The following SLC5A3 variants were observed in gnomAD, a reference collection of about 807,000 sequenced individuals.
SLC5A3 encodes sodium/myo-inositol cotransporter.
SLC5A3 carries 10 observed loss-of-function variants against 43.2 expected under a neutral mutation model. The ratio of observed to expected loss-of-function variants is 0.23; its 90% CI spans 0.14 to 0.39. The LOEUF (loss-of-function observed/expected upper bound fraction) is 0.39. Ranked by LOEUF, SLC5A3 falls within the 10% of genes least tolerant of loss-of-function variation. The pLI is 1.00. For missense variants in SLC5A3, 608 were observed against 893.4 expected (o/e 0.68, Z 4.07); for synonymous variants, 349 against 322.0 (o/e 1.08, Z -0.90).
Position 34,103,939 on chromosome 21 carries a change from A to AC in SLC5A3, c.*6585dup, listed in dbSNP as rs1979360514. 4.0e-6 allele frequency: 4 copies of AC among 1,000,100 alleles called. No individual in the cohort carries two copies. The Admixed American group carries it at 1.8e-4, about 46-fold the overall frequency. 62.0% of individuals were successfully genotyped at this position (1,000,100 alleles called of 1,614,324 possible). On this transcript the variant is annotated 3_prime_UTR_variant, in exon 2 of 2. Coordinates refer to ENST00000381151, the MANE Select transcript of SLC5A3 (RefSeq NM_006933.7). Reference sequence around the variant, plus strand: ...AGGTTTTTGGTGGGTGGAACAGGTGACATATTTCTGTTTTAAGCTGTAGTG... The same window carrying AC: ...AGGTTTTTGGTGGGTGGAACAGGTGACCATATTTCTGTTTTAAGCTGTAGTG...
At position 34,096,450 on chromosome 21, in the gene SLC5A3, A is replaced by G. The variant is rs764604067; in HGVS notation, c.1252A>G (p.Met418Val). 6.2e-7 allele frequency: 1 copy of G among 1,614,156 alleles called. No individual in the cohort carries two copies. Among genetic ancestry groups the G allele is most frequent in the Non-Finnish European group, 8.5e-7 (1 of 1,180,016 alleles). ...TGTGGGGAGGATATTTGTGGCATTT[A>G]TGGTGGTGATCAGCATAGCATGGGT... ...MIVGRIFVAF[M>V]VVISIAWVPI... Residue 418 changes from methionine to valine, a missense_variant, in exon 2 of 2, where the codon ATG becomes GTG. Around this residue, in one of 2 missense-constraint regions of SLC5A3, gnomAD observed 398 missense variants for 668.6 expected, o/e 0.60. Transcript: ENST00000381151. The surrounding 1 kb of genome is among the most constrained non-coding windows in gnomAD (Gnocchi z 5.9).
rs1173322235 is a variant in SLC5A3, at chr21:34,097,785, A to T, written c.*430A>T. Reference sequence around the variant, plus strand: ...GTAATCCCTCCTACCATTAAGAAAAACTTATTTCTTAGACATTGTACAATC... The same window carrying T: ...GTAATCCCTCCTACCATTAAGAAAATCTTATTTCTTAGACATTGTACAATC... On this transcript the variant is annotated 3_prime_UTR_variant, in exon 2 of 2. Transcript: ENST00000381151. The T allele has an allele frequency of 4.0e-6, 4 of 1,000,836 alleles. No individual in the cohort carries two copies. Among genetic ancestry groups the T allele is most frequent in the Non-Finnish European group, 4.8e-6 (4 of 830,356 alleles). 62.0% of individuals were successfully genotyped at this position (1,000,836 alleles called of 1,614,324 possible).
chr21:34,105,303 C>T lies in SLC5A3; in HGVS notation c.*7948C>T. On this transcript the variant is annotated 3_prime_UTR_variant, in exon 2 of 2. Coordinates refer to ENST00000381151, the MANE Select transcript of SLC5A3 (RefSeq NM_006933.7). The stretch of plus-strand genomic sequence containing the variant: ...ATGAACTGTGTTATACTTCTCAGTG[C>T]TTTCTTTTTTCTTTTTGATAAGATG... 2 of 999,890 alleles carry T rather than the reference C, an allele frequency of 2.0e-6. No individual in the cohort carries two copies. Among genetic ancestry groups the T allele is most frequent in the Non-Finnish European group, 2.4e-6 (2 of 829,694 alleles). The allele number at this position is 999,890 out of a possible 1,614,324, so 61.9% of individuals were successfully genotyped here.
At chr21:34,079,684 C>T (rs1307429892) in intron 1 of SLC5A3, among the ~76,000 whole-genome samples, 1 of 134,462 alleles carries the variant, frequency 7.4e-6, no homozygotes, top group Non-Finnish European at 1.5e-5. Context: ...AATCTGACCT[C>T]GTGATCTGCC....
rs977355132 is a variant in SLC5A3, at chr21:34,100,744, C to T, written c.*3389C>T. The T allele has an allele frequency of 6.0e-6, 6 of 999,990 alleles. No individual in the cohort carries two copies. The highest frequency in any genetic ancestry group is 1.7e-5 in the African/African-American group (1 of 57,222). The allele number at this position is 999,990 out of a possible 1,614,324, so 61.9% of individuals were successfully genotyped here. ...TCTTGTGAGAGCCAATAGAGTGTGT[C>T]TGTATTCGCAGTCCATGGCTCATTT... On this transcript the variant is annotated 3_prime_UTR_variant, in exon 2 of 2. Coordinates refer to ENST00000381151, the MANE Select transcript of SLC5A3 (RefSeq NM_006933.7).
At chr21:34,082,199 A>G (rs1218274709) in intron 1 of SLC5A3, among the ~76,000 whole-genome samples, 3 of 152,094 alleles carry the variant, frequency 2.0e-5, no homozygotes, top group Admixed American at 1.3e-4. Context: ...ATCTCTTAGC[A>G]TTTATGTTGA....
At chr21:34,075,154 C>T (rs1380839045) in intron 1 of SLC5A3, among the ~76,000 whole-genome samples, 1 of 152,218 alleles carries the variant, frequency 6.6e-6, no homozygotes, top group African/African-American at 2.4e-5. Flanking sequence ...TTTAAGCCCT[C>T]CCTTCAACTT....
intron 1 of SLC5A3, among the ~76,000 whole-genome samples, chr21:34,082,617 C>G (rs958189974): frequency 2.0e-5 from 3 of 152,058 alleles, no homozygotes; most frequent in Non-Finnish European, 4.4e-5. Context: ...GAAAAAAATT[C>G]AGGTGCTCTC....
rs777918816 is a variant in SLC5A3, at chr21:34,097,367, T to C, written c.*12T>C. 6.3e-7 allele frequency: 1 copy of C among 1,576,948 alleles called. No homozygotes were observed. The highest frequency in any genetic ancestry group is 8.6e-7 in the Non-Finnish European group (1 of 1,163,052). On this transcript the variant is annotated 3_prime_UTR_variant, in exon 2 of 2. Coordinates refer to ENST00000381151, the MANE Select transcript of SLC5A3 (RefSeq NM_006933.7). ...ATTTCTCCTTATGAACTTAAGGATATGGTGAGACACTAACTTAAGACAATA... is the reference window on the plus strand; with the variant it reads ...ATTTCTCCTTATGAACTTAAGGATACGGTGAGACACTAACTTAAGACAATA...
Position 34,096,258 on chromosome 21 carries a change from C to A in SLC5A3, c.1060C>A (p.Leu354Met). 2 of 1,614,126 alleles carry A rather than the reference C, an allele frequency of 1.2e-6. No individual in the cohort carries two copies. The highest frequency in any genetic ancestry group is 1.7e-6 in the Non-Finnish European group (2 of 1,180,002). Residue 354 changes from leucine (L) to methionine (M), a missense_variant, in exon 2 of 2, where the codon CTG (leucine) becomes ATG (methionine). Around this residue, in one of 2 missense-constraint regions of SLC5A3, gnomAD observed 398 missense variants for 668.6 expected, o/e 0.60. Coordinates refer to ENST00000381151, the MANE Select transcript of SLC5A3 (RefSeq NM_006933.7). The surrounding 1 kb of genome is among the most constrained non-coding windows in gnomAD (Gnocchi z 5.9). ...AGCSNIAYPR[L>M]VMKLVPVGLR... is the part of the protein sequence containing the mutation. ...TTGCTCCAATATTGCTTACCCACGC[C>A]TGGTGATGAAGCTGGTTCCTGTGGG...
Position 34,103,514 on chromosome 21 carries a change from G to C in SLC5A3, c.*6159G>C. 1.0e-6 allele frequency: 1 copy of C among 999,716 alleles called. No homozygotes were observed. 61.9% of individuals were successfully genotyped at this position (999,716 alleles called of 1,614,324 possible). ...CATTGTAGGTTGATAGGTATATCGA[G>C]AACAGGTACGTGACAACAGTTTATA... On this transcript the variant is annotated 3_prime_UTR_variant, in exon 2 of 2. Transcript: ENST00000381151.
At position 34,103,910 on chromosome 21, in the gene SLC5A3, G is replaced by T; in HGVS notation, c.*6555G>T. 1 of 1,000,214 alleles carries T rather than the reference G, an allele frequency of 1.0e-6. No homozygotes were observed. Among genetic ancestry groups the T allele is most frequent in the South Asian group, 4.7e-5 (1 of 21,286 alleles). 62.0% of individuals were successfully genotyped at this position (1,000,214 alleles called of 1,614,324 possible). On this transcript the variant is annotated 3_prime_UTR_variant, in exon 2 of 2. Transcript: ENST00000381151. ...TGAAACTGGAGAAATAGGGACAGATGTCTAGGTTTTTGGTGGGTGGAACAG... is the reference window on the plus strand; with the variant it reads ...TGAAACTGGAGAAATAGGGACAGATTTCTAGGTTTTTGGTGGGTGGAACAG...
At position 34,105,347 on chromosome 21, in the gene SLC5A3, T is replaced by C; in HGVS notation, c.*7992T>C. The C allele has an allele frequency of 1.0e-6, 1 of 999,830 alleles. No homozygotes were observed. Among genetic ancestry groups the C allele is most frequent in the Non-Finnish European group, 1.2e-6 (1 of 829,666 alleles). The allele number at this position is 999,830 out of a possible 1,614,324, so 61.9% of individuals were successfully genotyped here. On this transcript the variant is annotated 3_prime_UTR_variant, in exon 2 of 2. Transcript: ENST00000381151. ...TAAGATGGATATCAAAAATAGTTGC[T>C]GTGCAAAAGTTAGTAGTCTTCTTCA...
chr21:34,100,122 G>GA lies in SLC5A3; in HGVS notation c.*2768dup. The GA allele has an allele frequency of 3.0e-6, 3 of 998,826 alleles. No individual in the cohort carries two copies. The highest frequency in any genetic ancestry group is 3.6e-6 in the Non-Finnish European group (3 of 828,696). 61.9% of individuals were successfully genotyped at this position (998,826 alleles called of 1,614,324 possible). ...AAGCTAAGGTTCAGAATTGAAGCTTGATATTGACTAGAATAGCTAAAAGTC... is the reference window on the plus strand; with the variant it reads ...AAGCTAAGGTTCAGAATTGAAGCTTGAATATTGACTAGAATAGCTAAAAGTC... On this transcript the variant is annotated 3_prime_UTR_variant, in exon 2 of 2. Transcript: ENST00000381151.
intron 1 of SLC5A3, among the ~76,000 whole-genome samples, 163 bp from the exon 2 acceptor site, chr21:34,094,697 CATA>C (rs1329729416): frequency 7.2e-5 from 11 of 152,194 alleles, no homozygotes; most frequent in African/African-American, 2.4e-4. Flanking sequence ...CAGCTGTGAT[CATA>C]TAGATTGCTC....
chr21:34,093,181 A>C (rs1214279904), intron 1 of SLC5A3, among the ~76,000 whole-genome samples: 2 of 152,048 alleles, frequency 1.3e-5, no homozygotes, highest in Non-Finnish European at 2.9e-5. Context: ...GGTCATAGAA[A>C]TATGATCATC....
chr21:34,095,990 C>T lies in SLC5A3; in HGVS notation c.792C>T (p.Phe264=). The T allele has an allele frequency of 6.2e-7, 1 of 1,614,160 alleles. No individual in the cohort carries two copies. Reference sequence around the variant, plus strand: ...ATGAAGATGTTCCTTGGCCTGGATTCATTCTTGGGCAGACCCCAGCTTCAG... The same window carrying T: ...ATGAAGATGTTCCTTGGCCTGGATTTATTCTTGGGCAGACCCCAGCTTCAG... ...PTDEDVPWPG[F]ILGQTPASVW... Residue 264 remains phenylalanine, a synonymous_variant, in exon 2 of 2, where the codon TTC becomes TTT. Transcript: ENST00000381151.
At chr21:34,081,531 A>G (rs938526570) in intron 1 of SLC5A3, among the ~76,000 whole-genome samples, 5 of 152,206 alleles carry the variant, frequency 3.3e-5, no homozygotes, top group Admixed American at 2.6e-4. Flanking sequence ...TGGATGTGTT[A>G]CCATAGAATA....
Position 34,097,675 on chromosome 21 carries a change from G to A in SLC5A3, c.*320G>A, listed in dbSNP as rs1354575539. On this transcript the variant is annotated 3_prime_UTR_variant, in exon 2 of 2. Transcript: ENST00000381151. ...ATATGTTAAGTTACCATGAATTAAG[G>A]TATACTGTCTGCACTGCCAAGTCTT... is the stretch of plus-strand genomic sequence containing the variant. 8 of 1,050,952 alleles carry A rather than the reference G, an allele frequency of 7.6e-6. No homozygotes were observed. The highest frequency in any genetic ancestry group is 4.7e-4 in the Middle Eastern group (1 of 2,122). The allele number at this position is 1,050,952 out of a possible 1,614,324, so 65.1% of individuals were successfully genotyped here.
Sources: allele counts gnomAD v4.1 joint callset (sites outside exome capture counted in the v4.1 genomes callset), GRCh38; gene constraint gnomAD v4.1.1; regional missense constraint gnomAD v4.1.1; non-coding constraint Gnocchi (gnomAD v3.1); transcripts MANE v1.5; gene names NCBI Gene and HGNC (gene_info 2026-07-23, HGNC 2026-07-21).